The following DOCK1 variants were observed in gnomAD, a reference collection of about 807,000 sequenced individuals.
The protein encoded by DOCK1 is dedicator of cytokinesis protein 1.
Under a neutral mutation model 262.7 loss-of-function variants are expected in DOCK1, and 138 were observed. The observed-to-expected ratio is 0.53, with a 90% CI of 0.46 to 0.61. The LOEUF is 0.61. Ranked by LOEUF, DOCK1 falls within the 20% of genes least tolerant of loss-of-function variation. The pLI is 0.00. For missense variants in DOCK1, 1,908 were observed against 2,370.7 expected, an observed-to-expected ratio of 0.80 and a Z score of 4.05; for synonymous variants, 866 against 867.4, an observed-to-expected ratio of 1.00 and a Z score of 0.03.
At chr10:127,154,591 T>C (rs772927974) in intron 27 of DOCK1, among the ~76,000 whole-genome samples, 2 of 152,216 alleles carry the variant, frequency 1.3e-5, no homozygotes, top group African/African-American at 2.4e-5. Context: ...GAACATTTAC[T>C]CTCTGGCTCT....
At chr10:127,408,855 C>T (rs1040252692) in intron 40 of DOCK1, among the ~76,000 whole-genome samples, 182 bp from the exon 41 acceptor site, 1 of 151,752 alleles carries the variant, frequency 6.6e-6, no homozygotes, top group African/African-American at 2.4e-5. Context: ...GCTTGATGAC[C>T]ATGTGTTCTT....
chr10:126,996,272 C>T (rs965624526), intron 6 of DOCK1, among the ~76,000 whole-genome samples: 23 of 150,116 alleles, frequency 1.5e-4, no homozygotes, highest in African/African-American at 5.4e-4. Flanking sequence ...CCCAGCTACT[C>T]GGGAGGCTGA....
chr10:127,106,641 G>C (rs887816663), intron 24 of DOCK1, among the ~76,000 whole-genome samples: 1 of 152,080 alleles, frequency 6.6e-6, no homozygotes, highest in African/African-American at 2.4e-5. Context: ...TAAAAATCCT[G>C]ACATAGGAGC....
chr10:127,087,398 C>G (rs1229268800), intron 23 of DOCK1, among the ~76,000 whole-genome samples: 1 of 151,998 alleles, frequency 6.6e-6, no homozygotes. Context: ...AAATTCATGC[C>G]GGGCTCAGAC....
At chr10:127,358,180 T>C (rs1453838138) in intron 32 of DOCK1, among the ~76,000 whole-genome samples, 2 of 152,142 alleles carry the variant, frequency 1.3e-5, no homozygotes, top group Non-Finnish European at 2.9e-5. Context: ...GTCTCCTCCT[T>C]CAGTCTTTCC....
chr10:127,241,625 A>G (rs2059267662), intron 27 of DOCK1, among the ~76,000 whole-genome samples: 1 of 152,090 alleles, frequency 6.6e-6, no homozygotes, highest in Non-Finnish European at 1.5e-5. Context: ...CATTTTCACC[A>G]AAGAGGATTC....
intron 23 of DOCK1, among the ~76,000 whole-genome samples, chr10:127,080,365 T>C (rs2046829499): frequency 6.6e-6 from 1 of 152,170 alleles, no homozygotes; most frequent in South Asian, 2.1e-4. Context: ...ATTTCATCTT[T>C]TGGAAATTTA....
In DOCK1 at chr10:127,175,354, G is replaced by T. The variant is rs1223237561; in HGVS notation, c.2847+47590G>T. The T allele has an allele frequency of 2.7e-5, 43 of 1,613,974 alleles. No individual in the cohort carries two copies. Among genetic ancestry groups the T allele is most frequent in the Non-Finnish European group, 3.4e-5 (40 of 1,180,048 alleles). On this transcript the variant is annotated intron_variant, in intron 27 of 51. Transcript: ENST00000623213. This position sits in a 1 kb window ranked among gnomAD's most constrained non-coding sequence, Gnocchi z 6.3. ...ACCACTTCCGTATGAGGCACGATTC[G>T]TTGGCATTCTTCACCTGCAGCAACC...
At chr10:127,433,166 A>T in intron 47 of DOCK1, 117 bp from the exon 48 acceptor site, 1 of 1,388,886 alleles carries the variant, frequency 7.2e-7, no homozygotes, top group Admixed American at 2.1e-5. Context: ...CTGTTTACAG[A>T]AGTCTGAACG....
chr10:127,296,662 C>T (rs2061515176), intron 29 of DOCK1, among the ~76,000 whole-genome samples: 1 of 152,204 alleles, frequency 6.6e-6, no homozygotes, highest in African/African-American at 2.4e-5. Flanking sequence ...CAGGGCTGAG[C>T]TTCTAAACAT....
intron 1 of DOCK1, among the ~76,000 whole-genome samples, chr10:126,916,790 A>C (rs929893256): frequency 6.7e-6 from 1 of 148,736 alleles, no homozygotes; most frequent in Non-Finnish European, 1.5e-5. Flanking sequence ...AGACATTGGT[A>C]TCTGGAGCTG....
rs1051040175 is a variant in DOCK1 at position 127,447,529 on chromosome 10, C to T, written c.5549C>T (p.Pro1850Leu). Residue 1850 changes from proline to leucine, a missense_variant, in exon 51 of 52, where the codon CCC (proline) becomes CTC (leucine). Pro to Leu is a moderately conservative substitution (Grantham distance 98, BLOSUM62 -3). Coordinates refer to ENST00000623213, the MANE Select transcript of DOCK1 (RefSeq NM_001290223.2). The part of the protein sequence containing the change: ...DLLGSPTPPP[P>L]PPHQRHLPPP... ...CTGGGCTCGCCAACACCTCCACCTC[C>T]CCCTCCACACCAGAGGGTAAGTCGG... 3.7e-5 allele frequency: 59 copies of T among 1,613,914 alleles called. No homozygotes were observed. Among genetic ancestry groups the T allele is most frequent in the Non-Finnish European group, 4.9e-5 (58 of 1,179,866 alleles).
chr10:127,355,104 ACT>A (rs1393396705), intron 32 of DOCK1, among the ~76,000 whole-genome samples: 1 of 135,484 alleles, frequency 7.4e-6, no homozygotes, highest in East Asian at 2.2e-4. Flanking sequence ...AGTTTTACAG[ACT>A]CTGCCTTCTA....
chr10:126,939,624 G>A (rs1408855922), intron 1 of DOCK1, among the ~76,000 whole-genome samples: 1 of 152,154 alleles, frequency 6.6e-6, no homozygotes, highest in African/African-American at 2.4e-5. Context: ...GCCTCCCAGA[G>A]TGCTGGGATT....
At chr10:126,971,692 A>T (rs2038119860) in intron 2 of DOCK1, among the ~76,000 whole-genome samples, 1 of 152,132 alleles carries the variant, frequency 6.6e-6, no homozygotes, top group Non-Finnish European at 1.5e-5. Flanking sequence ...TGCTGGAATT[A>T]CAGGCGTGAG....
At chr10:127,256,247 T>G (rs1266794468) in intron 28 of DOCK1, among the ~76,000 whole-genome samples, 1 of 152,234 alleles carries the variant, frequency 6.6e-6, no homozygotes, top group Non-Finnish European at 1.5e-5. Context: ...ATTAGCTTGT[T>G]AGTGTCATCA....
intron 29 of DOCK1, among the ~76,000 whole-genome samples, chr10:127,310,466 G>A (rs912896737): frequency 6.6e-6 from 1 of 152,188 alleles, no homozygotes; most frequent in Non-Finnish European, 1.5e-5. Context: ...GATTTGATAA[G>A]AAACAACTTT....
intron 21 of DOCK1, among the ~76,000 whole-genome samples, chr10:127,043,795 CAGCTCTGTCCCTCACA>C (rs916493103): frequency 4.6e-5 from 7 of 152,216 alleles, no homozygotes; most frequent in African/African-American, 1.4e-4. Flanking sequence ...GCTTGATGTG[CAGCTCTGTCCCTCACA>C]AGCTCTGTGA....
intron 23 of DOCK1, among the ~76,000 whole-genome samples, chr10:127,079,255 A>G (rs1011802113): frequency 2.0e-5 from 3 of 152,160 alleles, no homozygotes; most frequent in Non-Finnish European, 4.4e-5. Context: ...TCTTGATCCC[A>G]TTTGCCTCAG....
Sources: gnomAD v4.1 joint callset for allele counts (sites outside exome capture counted in the v4.1 genomes callset) on GRCh38, gnomAD v4.1.1 for gene constraint, Gnocchi (gnomAD v3.1) non-coding constraint, MANE v1.5 for transcripts, NCBI Gene and HGNC (gene_info 2026-07-23, HGNC 2026-07-21) for gene names.